Variants in MTHFD2L observed in about 807,000 individuals in gnomAD.
MTHFD2L encodes methylenetetrahydrofolate dehydrogenase (NADP+ dependent) 2 like, also known as bifunctional methylenetetrahydrofolate dehydrogenase/cyclohydrolase 2, mitochondrial.
A neutral mutation model predicts 34.9 loss-of-function variants in MTHFD2L; 29 were observed. The ratio of observed to expected loss-of-function variants is 0.83; its 90% CI spans 0.62 to 1.13. The LOEUF (loss-of-function observed/expected upper bound fraction) is 1.13. Among genes scored for constraint, MTHFD2L ranks in the 50% most tolerant of loss-of-function variants. The probability of loss-of-function intolerance (pLI) is 0.00; values close to 1 mark genes in which losing one functional copy is unlikely to be tolerated. For missense variants in MTHFD2L, 481 were observed against 446.5 expected (o/e 1.08, Z -0.70); for synonymous variants, 167 against 155.7 (o/e 1.07, Z -0.54).
In MTHFD2L at chr4:74,284,737, C is replaced by T. The variant is rs1024993662; in HGVS notation, c.931+3187C>T. On this transcript the variant is annotated intron_variant, in intron 7 of 7. Transcript: ENST00000325278. ...ATGGAGAAATAGGAACACTTTTACA[C>T]GGTGGGACTGTAAACTAGTTCAACC... is the stretch of plus-strand genomic sequence containing the variant. Among the ~76,000 whole-genome samples, 13 of 152,012 alleles carry T rather than the reference C, an allele frequency of 8.6e-5. No homozygotes were observed. The East Asian group carries it at 9.7e-4, about 11-fold the overall frequency.
intron 6 of MTHFD2L, among the ~76,000 whole-genome samples, chr4:74,249,071 A>G (rs1431553124): frequency 1.8e-4 from 27 of 151,918 alleles, no homozygotes; most frequent in Non-Finnish European, 2.9e-4. Context: ...GTCTAATGTT[A>G]ACAGTGGGGT....
chr4:74,131,872 TAAAC>T (rs1722533077), intron 1 of MTHFD2L, among the ~76,000 whole-genome samples: 1 of 152,046 alleles, frequency 6.6e-6, no homozygotes, highest in Non-Finnish European at 1.5e-5. Flanking sequence ...ACAAAGAACT[TAAAC>T]AAATTTACAA....
chr4:74,203,677 C>G (rs1734826511), intron 5 of MTHFD2L, among the ~76,000 whole-genome samples: 1 of 152,072 alleles, frequency 6.6e-6, no homozygotes, highest in South Asian at 2.1e-4. Flanking sequence ...CTCACTGTTG[C>G]AACAATAGCA....
At chr4:74,138,304 C>G (rs990598455) in intron 1 of MTHFD2L, among the ~76,000 whole-genome samples, 2 of 152,002 alleles carry the variant, frequency 1.3e-5, no homozygotes, top group African/African-American at 4.8e-5. Flanking sequence ...TTGTTACAGG[C>G]GGGTCTTTGT....
At chr4:74,117,054 A>T (rs1404981305) in intron 2 of MTHFD2L, among the ~76,000 whole-genome samples, 3 of 152,206 alleles carry the variant, frequency 2.0e-5, no homozygotes, top group African/African-American at 7.2e-5. Context: ...ATATTCTATA[A>T]CTCCTTTGAT....
At chr4:74,245,220 G>A (rs1273554602) in intron 6 of MTHFD2L, among the ~76,000 whole-genome samples, 118 of 89,978 alleles carry the variant, frequency 1.3e-3, no homozygotes, top group African/African-American at 3.8e-3. Flanking sequence ...AAAAAAAAAA[G>A]AATCCAGCTG....
chr4:74,193,398 A>T (rs1174869351), intron 3 of MTHFD2L, among the ~76,000 whole-genome samples: 1 of 152,196 alleles, frequency 6.6e-6, no homozygotes, highest in African/African-American at 2.4e-5. Context: ...TAAATCTTCT[A>T]ACTCTGTTTT....
chr4:74,283,022 C>A (rs928312697), intron 7 of MTHFD2L, among the ~76,000 whole-genome samples: 2 of 152,108 alleles, frequency 1.3e-5, no homozygotes, highest in African/African-American at 4.8e-5. Context: ...ATTTTCTTTA[C>A]TGTCATTCTG....
At chr4:74,119,558 C>A (rs192321412), upstream of MTHFD2L, among the ~76,000 whole-genome samples, 345 of 152,078 alleles carry the variant, frequency 2.3e-3, 2 homozygotes, top group Middle Eastern at 0.024. Flanking sequence ...CCGAGGCGGG[C>A]GGATCACGAG....
At chr4:74,197,669 G>C (rs544315710) in intron 3 of MTHFD2L, among the ~76,000 whole-genome samples, 1 of 152,110 alleles carries the variant, frequency 6.6e-6, no homozygotes, top group Non-Finnish European at 1.5e-5. Context: ...TGGATTCTTA[G>C]TAGTGATTTG....
intron 3 of MTHFD2L, among the ~76,000 whole-genome samples, chr4:74,175,713 A>G (rs930076333): frequency 6.6e-5 from 10 of 152,048 alleles, no homozygotes; most frequent in African/African-American, 2.2e-4. Flanking sequence ...TAAAAATAAC[A>G]ATTTTTCTGT....
In MTHFD2L at chr4:74,158,145, G is replaced by A. The variant is rs977467294; in HGVS notation, c.7G>A (p.Val3Met). 6.5e-7 allele frequency: 1 copy of A among 1,530,638 alleles called. No individual in the cohort carries two copies. The highest frequency in any genetic ancestry group is 8.8e-7 in the Non-Finnish European group (1 of 1,140,708). The allele number at this position is 1,530,638 out of a possible 1,614,324, so 94.8% of individuals were successfully genotyped here. MTVPVRGFSLLRG... is the reference protein window; with the variant it reads MTMPVRGFSLLRG... ...AAGCCGGGGATCCGCGGCCATGACG[G>A]TGCCGGTCCGCGGCTTCTCGCTGCT... The change falls in exon 1 of 8, where the codon GTG becomes ATG. Residue 3 changes from valine (V) to methionine (M), a missense_variant. Physicochemically the swap from Val to Met is conservative, Grantham distance 21. Transcript: ENST00000325278.
At chr4:74,237,849 A>G (rs1376769621) in intron 6 of MTHFD2L, among the ~76,000 whole-genome samples, 1 of 152,188 alleles carries the variant, frequency 6.6e-6, no homozygotes, top group African/African-American at 2.4e-5. Flanking sequence ...GGGAGAGGCA[A>G]AGAATTAACT....
intron 1 of MTHFD2L, among the ~76,000 whole-genome samples, chr4:74,173,901 A>G (rs1207383715): frequency 6.6e-6 from 1 of 151,832 alleles, no homozygotes; most frequent in Non-Finnish European, 1.5e-5. Flanking sequence ...GAAAGTTGTG[A>G]AGAAATGTAC....
intron 3 of MTHFD2L, among the ~76,000 whole-genome samples, chr4:74,178,885 A>G (rs766155215): frequency 1.3e-5 from 2 of 152,010 alleles, no homozygotes; most frequent in Non-Finnish European, 2.9e-5. Flanking sequence ...TTGCTAAGTA[A>G]CTGAGTTGGG....
At chr4:74,231,771 A>G (rs1246575) in intron 6 of MTHFD2L, among the ~76,000 whole-genome samples, 37,523 of 152,092 alleles carry the variant, frequency 0.25, 4,793 homozygotes, top group African/African-American at 0.31. Context: ...AACCTTTCAT[A>G]GCGATGTCTA....
intron 1 of MTHFD2L, among the ~76,000 whole-genome samples, chr4:74,144,870 AAGAAGT>A (rs1723495375): frequency 6.6e-6 from 1 of 152,174 alleles, no homozygotes; most frequent in African/African-American, 2.4e-5. Context: ...TCCTATAAGA[AAGAAGT>A]AGAATTGTAG....
chr4:74,283,213 C>T (rs997369308), intron 7 of MTHFD2L, among the ~76,000 whole-genome samples: 1 of 152,172 alleles, frequency 6.6e-6, no homozygotes, highest in African/African-American at 2.4e-5. Context: ...GCACATTTTA[C>T]AAGACTCTTC....
At chr4:74,135,194 A>G (rs894365913) in intron 1 of MTHFD2L, among the ~76,000 whole-genome samples, 11 of 152,140 alleles carry the variant, frequency 7.2e-5, no homozygotes, top group Non-Finnish European at 1.6e-4. Context: ...CATAAAGATA[A>G]AACTGTAATG....
Sources: allele counts gnomAD v4.1 joint callset (sites outside exome capture counted in the v4.1 genomes callset), GRCh38; gene constraint gnomAD v4.1.1; transcripts MANE v1.5; gene names NCBI Gene and HGNC (gene_info 2026-07-23, HGNC 2026-07-21).